CAST: variants seen among roughly 807,000 people sequenced by gnomAD.
CAST encodes calpastatin, also known as MIR583 host.
CAST carries 76 observed loss-of-function variants against 119.6 expected under a neutral mutation model. The observed-to-expected ratio is 0.64, with a 90% CI of 0.53 to 0.77. The LOEUF (loss-of-function observed/expected upper bound fraction) is 0.77. Ranked by LOEUF, CAST falls within the 30% of genes least tolerant of loss-of-function variation. The pLI is 0.00. For missense variants in CAST, 953 were observed against 946.5 expected (o/e 1.01, Z -0.09); for synonymous variants, 319 against 331.6 (o/e 0.96, Z 0.41).
the CAST span, among the ~76,000 whole-genome samples, chr5:96,211,248 T>G: frequency 6.6e-6 from 1 of 152,042 alleles, no homozygotes; most frequent in African/African-American, 2.4e-5. Context: ...ATTTCTGATC[T>G]TTGAGGGAAA....
At chr5:96,547,542 A>T (rs1416581426) in intron 1 of CAST, among the ~76,000 whole-genome samples, 1 of 152,156 alleles carries the variant, frequency 6.6e-6, no homozygotes, top group Admixed American at 6.5e-5. Flanking sequence ...TATCTTCTTT[A>T]CTCATTTTAT....
intron 2 of CAST, among the ~76,000 whole-genome samples, chr5:96,686,707 G>A (rs1281971418): frequency 6.6e-6 from 1 of 152,160 alleles, no homozygotes; most frequent in Non-Finnish European, 1.5e-5. Flanking sequence ...GTAGATTTAT[G>A]TAAAGAACAG....
At chr5:96,058,540 G>A in the CAST span, among the ~76,000 whole-genome samples, 18 of 135,422 alleles carry the variant, frequency 1.3e-4, no homozygotes, top group Non-Finnish European at 3.0e-4. Context: ...GGTACCAGAA[G>A]GGCTCTAAGA....
chr5:96,526,582 C>T (rs1253904529), upstream of CAST, among the ~76,000 whole-genome samples: 1 of 152,084 alleles, frequency 6.6e-6, no homozygotes, highest in Non-Finnish European at 1.5e-5. Context: ...TCCTTTACTT[C>T]AATATAGTCA....
chr5:96,128,556 G>A, the CAST span, among the ~76,000 whole-genome samples: 1 of 152,056 alleles, frequency 6.6e-6, no homozygotes, highest in East Asian at 1.9e-4. Flanking sequence ...TAAAACAGAA[G>A]GTGAAAGCGA....
At chr5:96,127,986 CT>C in the CAST span, among the ~76,000 whole-genome samples, 2 of 152,040 alleles carry the variant, frequency 1.3e-5, no homozygotes, top group Non-Finnish European at 2.9e-5. Flanking sequence ...TCTTTGTCAG[CT>C]TTGAATAAGG....
chr5:96,423,618 G>A, the CAST span, among the ~76,000 whole-genome samples: 1 of 152,298 alleles, frequency 6.6e-6, no homozygotes, highest in South Asian at 2.1e-4. Flanking sequence ...AAAGTTGAGA[G>A]TAAGGCCAAA....
At chr5:96,031,700 G>A in the CAST span, among the ~76,000 whole-genome samples, 2 of 152,090 alleles carry the variant, frequency 1.3e-5, no homozygotes, top group East Asian at 1.9e-4. Context: ...AATAACAATA[G>A]AGGCAAATGT....
chr5:96,107,678 T>C, the CAST span, among the ~76,000 whole-genome samples: 1 of 152,166 alleles, frequency 6.6e-6, no homozygotes, highest in Non-Finnish European at 1.5e-5. Context: ...ATTTCAACTT[T>C]GGTGAATCTG....
chr5:96,136,884 G>GT, the CAST span, among the ~76,000 whole-genome samples: 6 of 152,104 alleles, frequency 3.9e-5, no homozygotes, highest in Admixed American at 1.3e-4. Context: ...ATTTATGACA[G>GT]TTTTTTTGCC....
At chr5:96,668,150 GCA>G (rs10534655) in intron 1 of CAST, among the ~76,000 whole-genome samples, 92,994 of 149,542 alleles carry the variant, frequency 0.62, 29,735 homozygotes, top group African/African-American at 0.8. Context: ...AGACACGCGT[GCA>G]CACACACACA....
the CAST span, among the ~76,000 whole-genome samples, chr5:96,129,046 T>G: frequency 6.6e-6 from 1 of 152,088 alleles, no homozygotes; most frequent in Non-Finnish European, 1.5e-5. Context: ...GCTGAAATGA[T>G]AAATCAAAGA....
chr5:96,359,966 A>T, the CAST span, among the ~76,000 whole-genome samples: 2 of 152,164 alleles, frequency 1.3e-5, no homozygotes, highest in African/African-American at 2.4e-5. Context: ...ACTTTCAGGT[A>T]CACCAATCAA....
the CAST span, among the ~76,000 whole-genome samples, chr5:96,418,891 G>A: frequency 1.8e-4 from 28 of 152,082 alleles, no homozygotes; most frequent in African/African-American, 5.8e-4. Context: ...TGCTCCCATC[G>A]GATGATATTA....
At chr5:96,023,929 A>G in the CAST span, among the ~76,000 whole-genome samples, 1 of 152,230 alleles carries the variant, frequency 6.6e-6, no homozygotes, top group Admixed American at 6.5e-5. Flanking sequence ...AAATCCAAAC[A>G]TATGCAACAC....
chr5:96,664,814 A>G (rs1421627016), intron 1 of CAST, among the ~76,000 whole-genome samples: 1 of 152,204 alleles, frequency 6.6e-6, no homozygotes, highest in African/African-American at 2.4e-5. Flanking sequence ...CTGGGCTTTT[A>G]CATGTAGCAT....
chr5:96,193,851 T>G, the CAST span, among the ~76,000 whole-genome samples: 2 of 152,224 alleles, frequency 1.3e-5, no homozygotes, highest in African/African-American at 4.8e-5. Flanking sequence ...GGGGTTGTTA[T>G]GTATTATTAT....
chr5:96,460,841 TAG>T, the CAST span, among the ~76,000 whole-genome samples: 308 of 152,256 alleles, frequency 2.0e-3, 1 homozygote, highest in East Asian at 0.051. Flanking sequence ...AGTCCATCGA[TAG>T]ACCACAAATT....
intron 1 of CAST, among the ~76,000 whole-genome samples, chr5:96,601,244 T>C (rs1027177627): frequency 6.6e-6 from 1 of 152,248 alleles, no homozygotes; most frequent in African/African-American, 2.4e-5. Flanking sequence ...TATTAGAATT[T>C]ATTGTGTCTA....
Sources: allele counts gnomAD v4.1 joint callset (sites outside exome capture counted in the v4.1 genomes callset), GRCh38; gene constraint gnomAD v4.1.1; transcripts MANE v1.5; gene names NCBI Gene and HGNC (gene_info 2026-07-23, HGNC 2026-07-21).